The following GOLM1 variants were observed in gnomAD, a reference collection of about 807,000 sequenced individuals.
The protein encoded by GOLM1 is epididymis luminal protein 46.
Under a neutral mutation model 50.5 loss-of-function variants are expected in GOLM1, and 31 were observed. That is an observed-to-expected ratio of 0.61 (90% CI 0.46 to 0.83). GOLM1 has a LOEUF of 0.83. Among genes scored for constraint, GOLM1 ranks in the 40% least tolerant of loss-of-function variants. The pLI, the probability that GOLM1 is intolerant of heterozygous loss-of-function variation, is 0.00. For missense variants in GOLM1, 491 were observed against 501.3 expected (o/e 0.98, Z 0.20); for synonymous variants, 178 against 192.8 (o/e 0.92, Z 0.64).
At chr9:86,032,114 T>A (rs992438773) in intron 9 of GOLM1, among the ~76,000 whole-genome samples, 4 of 151,970 alleles carry the variant, frequency 2.6e-5, no homozygotes, top group African/African-American at 7.3e-5. Flanking sequence ...CCCCCATGAC[T>A]CTATAATCAG....
chr9:86,088,887 C>A (rs137977158), intron 1 of GOLM1, among the ~76,000 whole-genome samples: 1 of 152,286 alleles, frequency 6.6e-6, no homozygotes, highest in Non-Finnish European at 1.5e-5. Context: ...TACGCTTTTG[C>A]AGTGGCTGGT....
intron 6 of GOLM1, among the ~76,000 whole-genome samples, chr9:86,040,380 T>A (rs1198589339): frequency 1.3e-5 from 2 of 152,138 alleles, no homozygotes; most frequent in Non-Finnish European, 2.9e-5. Context: ...CGGCCAGACC[T>A]GAGGTCTTGA....
chr9:86,038,161 A>G (rs1833210561), intron 6 of GOLM1, among the ~76,000 whole-genome samples: 2 of 132,464 alleles, frequency 1.5e-5, no homozygotes, highest in African/African-American at 3.4e-5. Context: ...ACACCAAAAG[A>G]AAAAAAAAAA....
At chr9:86,075,819 AG>A (rs1379179792) in intron 3 of GOLM1, among the ~76,000 whole-genome samples, 5 of 152,138 alleles carry the variant, frequency 3.3e-5, no homozygotes, top group African/African-American at 1.2e-4. Flanking sequence ...AGGGGATTTC[AG>A]GAGCACAAAA....
chr9:86,056,503 A>AT (rs1315629039), intron 3 of GOLM1, among the ~76,000 whole-genome samples: 3 of 72,520 alleles, frequency 4.1e-5, no homozygotes, highest in Non-Finnish European at 8.7e-5. Context: ...TTTTTATTTA[A>AT]ATTTTTTTTT....
intron 5 of GOLM1, among the ~76,000 whole-genome samples, chr9:86,044,444 G>T (rs1046095273): frequency 1.3e-5 from 2 of 152,186 alleles, no homozygotes; most frequent in African/African-American, 4.8e-5. Flanking sequence ...ATGCACGTGA[G>T]GCAACTGATT....
intron 3 of GOLM1, among the ~76,000 whole-genome samples, chr9:86,053,372 CCA>C (rs909327091): frequency 4.3e-5 from 6 of 140,360 alleles, no homozygotes; most frequent in Admixed American, 3.6e-4. Flanking sequence ...CCACTCCACA[CCA>C]CACACACCAA....
Position 86,026,654 on chromosome 9 carries a change from G to A in GOLM1, c.*1163C>T. 1 of 984,784 alleles carries A rather than the reference G, an allele frequency of 1.0e-6. No individual in the cohort carries two copies. The highest frequency in any genetic ancestry group is 1.7e-5 in the African/African-American group (1 of 57,334). The allele number at this position is 984,784 out of a possible 1,614,324, so 61.0% of individuals were successfully genotyped here. ...AAGTCAGTCATTAATGATGTGGCCA[G>A]TTATTTGCAAGTGGTAAGAGCCTAT... is the stretch of plus-strand genomic sequence containing the variant. On this transcript the variant is annotated 3_prime_UTR_variant, in exon 10 of 10. Transcript: ENST00000388712.
At chr9:86,044,205 T>G (rs1308784235) in intron 5 of GOLM1, among the ~76,000 whole-genome samples, 1 of 152,232 alleles carries the variant, frequency 6.6e-6, no homozygotes, top group Admixed American at 6.5e-5. Flanking sequence ...GCCAAAGGCC[T>G]ACTGGGGACA....
At chr9:86,059,973 C>G (rs1587718505) in intron 3 of GOLM1, among the ~76,000 whole-genome samples, 1 of 141,530 alleles carries the variant, frequency 7.1e-6, no homozygotes, top group Non-Finnish European at 1.5e-5. Flanking sequence ...CATACCCAAA[C>G]CACTGAGATG....
intron 3 of GOLM1, among the ~76,000 whole-genome samples, chr9:86,055,199 C>T (rs1245328293): frequency 2.0e-5 from 3 of 152,072 alleles, no homozygotes; most frequent in Non-Finnish European, 4.4e-5. Context: ...CCTGGGGCAA[C>T]AGGAGAGAAG....
At chr9:86,058,460 G>A (rs1834052920) in intron 3 of GOLM1, among the ~76,000 whole-genome samples, 1 of 152,094 alleles carries the variant, frequency 6.6e-6, no homozygotes, top group South Asian at 2.1e-4. Context: ...TGTAATCCCA[G>A]CACTTTGGGA....
At chr9:86,037,897 G>T (rs1374718781) in intron 6 of GOLM1, among the ~76,000 whole-genome samples, 1 of 151,928 alleles carries the variant, frequency 6.6e-6, no homozygotes, top group Non-Finnish European at 1.5e-5. Context: ...GCTAATGCCT[G>T]TAATGCCAGT....
intron 1 of GOLM1, among the ~76,000 whole-genome samples, chr9:86,087,493 G>A (rs1475961472): frequency 6.6e-6 from 1 of 152,200 alleles, no homozygotes; most frequent in African/African-American, 2.4e-5. Context: ...TAGGAGTGAT[G>A]AGAGAGGACA....
At chr9:86,092,787 C>A (rs1475796408) in intron 1 of GOLM1, among the ~76,000 whole-genome samples, 1 of 152,186 alleles carries the variant, frequency 6.6e-6, no homozygotes, top group African/African-American at 2.4e-5. Context: ...CTGATGAAGG[C>A]TGGTGGCAGG....
In GOLM1 at chr9:86,046,530, T is replaced by C. The variant is rs928231990; in HGVS notation, c.407A>G (p.Gln136Arg). ...TLQRNYGRLQQDVLQFQKNQT... is the reference protein window; with the variant it reads ...TLQRNYGRLQRDVLQFQKNQT... ...GTTCTTCTGAAACTGGAGGACATCC[T>C]GCTGCAGCCTGCCGTAATTCCTCTG... The change falls in exon 5 of 10, where the codon CAG becomes CGG. Residue 136 changes from glutamine (Q) to arginine (R), a missense_variant. Coordinates refer to ENST00000388712, the MANE Select transcript of GOLM1 (RefSeq NM_016548.4). 6.2e-7 allele frequency: 1 copy of C among 1,613,520 alleles called. No individual in the cohort carries two copies. Among genetic ancestry groups the C allele is most frequent in the Non-Finnish European group, 8.5e-7 (1 of 1,179,578 alleles).
chr9:86,084,233 G>A (rs945714104), intron 1 of GOLM1, among the ~76,000 whole-genome samples: 14 of 152,164 alleles, frequency 9.2e-5, no homozygotes, highest in African/African-American at 2.9e-4. Context: ...GGTCAAAAAT[G>A]TATGTTTTTA....
rs932002545 is a variant in GOLM1 at position 86,077,730 on chromosome 9, T to C, written c.130-139A>G. 4.7e-6 allele frequency: 3 copies of C among 636,406 alleles called. No homozygotes were observed. In the African/African-American group the frequency reaches 5.4e-5, roughly 11 times the overall value. The allele number at this position is 636,406 out of a possible 1,614,324, so 39.4% of individuals were successfully genotyped here. On this transcript the variant is annotated intron_variant, in intron 2 of 9. Transcript: ENST00000388712. ...CACACAAGTGCCCAAGGCTGTGTTT[T>C]AAGTCAACTGGACAGAAGCTGGAGC...
intron 3 of GOLM1, among the ~76,000 whole-genome samples, chr9:86,074,000 GC>G (rs1360060134): frequency 1.3e-5 from 2 of 152,176 alleles, no homozygotes; most frequent in Non-Finnish European, 2.9e-5. Flanking sequence ...CTTTTGTCCA[GC>G]CCCCAACTTG....
Sources: allele counts gnomAD v4.1 joint callset (sites outside exome capture counted in the v4.1 genomes callset), GRCh38; gene constraint gnomAD v4.1.1; transcripts MANE v1.5; gene names NCBI Gene and HGNC (gene_info 2026-07-23, HGNC 2026-07-21).